Variants in ARHGAP18 observed in about 807,000 individuals in gnomAD.
ARHGAP18 encodes the protein Rho GTPase activating protein 18.
A neutral mutation model predicts 86.2 loss-of-function variants in ARHGAP18; 67 were observed. The ratio of observed to expected loss-of-function variants is 0.78; its 90% CI spans 0.64 to 0.95. The LOEUF is 0.95. Among genes scored for constraint, ARHGAP18 ranks in the 40% least tolerant of loss-of-function variants. The pLI is 0.00. For missense variants in ARHGAP18, 691 were observed against 780.4 expected (o/e 0.89, Z 1.37); for synonymous variants, 283 against 280.4 (o/e 1.01, Z -0.09).
rs571196333 is a variant in ARHGAP18, at chr6:129,643,590, A to T, written c.114-1572T>A. ...CAGCGTGAGAATGGACTAACAATAA[A>T]TTTTTTTAAAGAATACAATTTGAGT... On this transcript the variant is annotated intron_variant, in intron 1 of 14. Transcript: ENST00000368149. 2.0e-5 allele frequency among the ~76,000 whole-genome samples: 3 copies of T among 152,256 alleles called. No homozygotes were observed. The East Asian group carries it at 5.8e-4, about 29-fold the overall frequency.
chr6:129,593,574 C>T (rs551695955), intron 12 of ARHGAP18, among the ~76,000 whole-genome samples: 3 of 152,254 alleles, frequency 2.0e-5, no homozygotes, highest in East Asian at 3.9e-4. Flanking sequence ...GAAACTGAAG[C>T]CCACAGAGGT....
chr6:129,697,832 T>C (rs1774645472), intron 1 of ARHGAP18, among the ~76,000 whole-genome samples: 1 of 152,220 alleles, frequency 6.6e-6, no homozygotes, highest in Admixed American at 6.5e-5. Flanking sequence ...TATTCCTAAG[T>C]TCACCTAAAA....
At chr6:129,630,084 G>A (rs1453297325) in intron 4 of ARHGAP18, among the ~76,000 whole-genome samples, 1 of 152,114 alleles carries the variant, frequency 6.6e-6, no homozygotes, top group African/African-American at 2.4e-5. Flanking sequence ...TGCGAGTCAG[G>A]TCAGGACGTA....
intron 1 of ARHGAP18, among the ~76,000 whole-genome samples, chr6:129,662,857 C>CT: frequency 6.6e-6 from 1 of 152,140 alleles, no homozygotes; most frequent in Non-Finnish European, 1.5e-5. Flanking sequence ...TAATAAGAAA[C>CT]TTAAAAGCCT....
chr6:129,584,180 A>G lies in ARHGAP18; in HGVS notation c.1714-68T>C, dbSNP rs1196145709. 3 of 1,590,038 alleles carry G rather than the reference A, an allele frequency of 1.9e-6. No individual in the cohort carries two copies. In the African/African-American group the frequency reaches 4.0e-5, roughly 21 times the overall value. The stretch of plus-strand genomic sequence containing the variant: ...GGAACGTGTAACTCTACAATGCATT[A>G]TATAGTAAGTGTGCTTAACTACTAC... On this transcript the variant is annotated intron_variant, in intron 12 of 14. Coordinates refer to ENST00000368149, the MANE Select transcript of ARHGAP18 (RefSeq NM_033515.3).
rs536557864 is a variant in ARHGAP18, at chr6:129,687,083, G to A, written c.113+22941C>T. ...AGGTTATTCACACAACTCAGCCTCC[G>A]AAAGCTCTGGGATTACAGGCGTGAG... On this transcript the variant is annotated intron_variant, in intron 1 of 14. Transcript: ENST00000368149. 8.1e-5 allele frequency among the ~76,000 whole-genome samples: 12 copies of A among 147,554 alleles called. No homozygotes were observed. The South Asian group carries it at 1.9e-3, about 23-fold the overall frequency.
At chr6:129,640,484 A>G (rs1385608473) in intron 2 of ARHGAP18, among the ~76,000 whole-genome samples, 2 of 152,248 alleles carry the variant, frequency 1.3e-5, no homozygotes, top group Non-Finnish European at 2.9e-5. Context: ...ATTAATTATC[A>G]CAAATAAGCT....
chr6:129,697,361 A>T (rs1774635622), intron 1 of ARHGAP18, among the ~76,000 whole-genome samples: 1 of 152,242 alleles, frequency 6.6e-6, no homozygotes, highest in Admixed American at 6.5e-5. Context: ...ACAGAAACAG[A>T]CAACTGAAAC....
intron 1 of ARHGAP18, among the ~76,000 whole-genome samples, chr6:129,694,132 AC>A (rs1774573113): frequency 6.6e-6 from 1 of 152,212 alleles, no homozygotes; most frequent in South Asian, 2.1e-4. Flanking sequence ...AGCTTTTATT[AC>A]AAAAACAAAC....
At chr6:129,614,812 T>G (rs1584048133) in intron 7 of ARHGAP18, among the ~76,000 whole-genome samples, 1 of 151,090 alleles carries the variant, frequency 6.6e-6, no homozygotes, top group Non-Finnish European at 1.5e-5. Context: ...TATTTAATAC[T>G]CTCTATAATG....
chr6:129,628,629 A>T (rs1257216452), intron 5 of ARHGAP18, among the ~76,000 whole-genome samples: 1 of 152,208 alleles, frequency 6.6e-6, no homozygotes, highest in Non-Finnish European at 1.5e-5. Context: ...AATCGAAGGC[A>T]TAAACATCCT....
intron 1 of ARHGAP18, among the ~76,000 whole-genome samples, chr6:129,676,296 A>G (rs1361856733): frequency 6.6e-6 from 1 of 152,092 alleles, no homozygotes; most frequent in Non-Finnish European, 1.5e-5. Context: ...CTTTCTAACC[A>G]CCCACAAAGG....
chr6:129,662,006 C>CAGGGGCTTTG, intron 1 of ARHGAP18: 1 of 844,490 alleles, frequency 1.2e-6, no homozygotes, highest in Non-Finnish European at 1.4e-6. Context: ...CACAAAGCCC[C>CAGGGGCTTTG]TGAAACCAAG....
intron 12 of ARHGAP18, among the ~76,000 whole-genome samples, chr6:129,594,627 C>G (rs1016626232): frequency 6.6e-6 from 1 of 152,136 alleles, no homozygotes; most frequent in African/African-American, 2.4e-5. Context: ...CACGTTAACC[C>G]AAAGTGTCAA....
At chr6:129,659,478 T>C (rs993744663) in intron 1 of ARHGAP18, among the ~76,000 whole-genome samples, 2 of 131,922 alleles carry the variant, frequency 1.5e-5, no homozygotes, top group Non-Finnish European at 3.3e-5. Flanking sequence ...TTTATTTTAT[T>C]TTTTATTTTG....
chr6:129,662,875 G>T (rs939320734), intron 1 of ARHGAP18, among the ~76,000 whole-genome samples: 5 of 152,130 alleles, frequency 3.3e-5, no homozygotes, highest in African/African-American at 1.2e-4. Flanking sequence ...CCTAAAATCT[G>T]CCAGAAAAAG....
intron 1 of ARHGAP18, among the ~76,000 whole-genome samples, chr6:129,657,526 ATTTTGCT>A (rs1311342436): frequency 1.3e-5 from 2 of 152,190 alleles, no homozygotes; most frequent in Non-Finnish European, 2.9e-5. Flanking sequence ...TTCAAGAGAC[ATTTTGCT>A]TCTAAGCATG....
At chr6:129,601,484 G>A (rs34688934) in intron 10 of ARHGAP18, among the ~76,000 whole-genome samples, 86 of 149,968 alleles carry the variant, frequency 5.7e-4, no homozygotes, top group Non-Finnish European at 2.4e-4. Flanking sequence ...AAAGAGAAGA[G>A]AAGAGAAGAG....
chr6:129,587,757 G>A (rs1055867669), intron 12 of ARHGAP18, among the ~76,000 whole-genome samples: 2 of 152,134 alleles, frequency 1.3e-5, no homozygotes, highest in Admixed American at 6.5e-5. Flanking sequence ...TGGGGATTAT[G>A]GGAACTAGAA....
Sources: gnomAD v4.1 joint callset for allele counts (sites outside exome capture counted in the v4.1 genomes callset) on GRCh38, gnomAD v4.1.1 for gene constraint, MANE v1.5 for transcripts, NCBI Gene and HGNC (gene_info 2026-07-23, HGNC 2026-07-21) for gene names.